The following NCS1 variants were observed in gnomAD, a reference collection of about 807,000 sequenced individuals.
NCS1 encodes frequenin homolog.
A neutral mutation model predicts 28.4 loss-of-function variants in NCS1; 6 were observed. The ratio of observed to expected loss-of-function variants is 0.21; its 90% confidence interval spans 0.12 to 0.42. NCS1 has a LOEUF of 0.42. NCS1 is among the 10% of genes least tolerant of loss of function. The pLI is 1.00. For missense variants in NCS1, 131 were observed against 241.4 expected, an observed-to-expected ratio of 0.54 and a Z score of 3.03; for synonymous variants, 86 against 99.3, an observed-to-expected ratio of 0.87 and a Z score of 0.79.
At chr9:130,182,604 C>T (rs573038521) in intron 1 of NCS1, among the ~76,000 whole-genome samples, 6 of 152,324 alleles carry the variant, frequency 3.9e-5, no homozygotes, top group South Asian at 4.1e-4. Context: ...GAGTGTGTGG[C>T]GCAGCTGTGC....
At chr9:130,176,173 TCTTTCTTTC>T (rs1564700743) in intron 1 of NCS1, among the ~76,000 whole-genome samples, 18 of 105,852 alleles carry the variant, frequency 1.7e-4, no homozygotes, top group Admixed American at 5.0e-4. Flanking sequence ...TTTCTTTCTT[TCTTTCTTTC>T]TTTCTTTCTT....
In NCS1 at chr9:130,192,863, C is replaced by G. The variant is rs1832834835; in HGVS notation, c.65-8095C>G. Among the ~76,000 whole-genome samples the G allele has an allele frequency of 6.6e-6, 1 of 152,198 alleles. No homozygotes were observed. Among genetic ancestry groups the G allele is most frequent in the African/African-American group, 2.4e-5 (1 of 41,440 alleles). On this transcript the variant is annotated intron_variant, in intron 1 of 7. Transcript: ENST00000372398. This position sits in a 1 kb window ranked among gnomAD's most constrained non-coding sequence, Gnocchi z 4.8. Reference sequence around the variant, plus strand: ...CAGTGGGAACCCCACAGGTGTTTCACTCTCTTTTCTGTCCTCCCCACCTCC... The same window carrying G: ...CAGTGGGAACCCCACAGGTGTTTCAGTCTCTTTTCTGTCCTCCCCACCTCC...
intron 7 of NCS1, among the ~76,000 whole-genome samples, chr9:130,230,583 C>G (rs1176452511): frequency 6.6e-6 from 1 of 152,078 alleles, no homozygotes; most frequent in Non-Finnish European, 1.5e-5. Flanking sequence ...GTGGCACATG[C>G]CTGTAGTCCC....
chr9:130,224,450 C>T (rs10988646), intron 6 of NCS1, among the ~76,000 whole-genome samples: 20,206 of 147,874 alleles, frequency 0.14, 2,324 homozygotes, highest in East Asian at 0.67. Context: ...CCCAGCTACT[C>T]GGGAGGCTGA....
At chr9:130,210,557 C>T (rs1407159406) in intron 2 of NCS1, among the ~76,000 whole-genome samples, 3 of 151,914 alleles carry the variant, frequency 2.0e-5, no homozygotes, top group East Asian at 3.9e-4. Flanking sequence ...TTGTGGAGGT[C>T]GTAGATCAGG....
At chr9:130,185,441 G>T (rs943928763) in intron 1 of NCS1, among the ~76,000 whole-genome samples, 22 of 152,182 alleles carry the variant, frequency 1.4e-4, no homozygotes, top group Admixed American at 3.9e-4. Flanking sequence ...TGGGGGAGGG[G>T]GGTTTTCCTC....
chr9:130,184,893 G>T (rs13288596), intron 1 of NCS1, among the ~76,000 whole-genome samples: 90,748 of 151,138 alleles, frequency 0.6, 29,318 homozygotes, highest in East Asian at 0.84. Context: ...GCCTCCCAAA[G>T]TGCTGGGATT....
rs369015273 is a variant in NCS1, at chr9:130,192,729, C to T, written c.65-8229C>T. 1.1e-3 allele frequency among the ~76,000 whole-genome samples: 168 copies of T among 152,170 alleles called. 1 individual carries two copies. In the South Asian group the frequency reaches 0.025, roughly 22 times the overall value. ...TCCAGGGAGGTTCTCCCCCAGGAGC[C>T]GGTGCTGCAGTGAGTGGGGGGAGTG... On this transcript the variant is annotated intron_variant, in intron 1 of 7. Coordinates refer to ENST00000372398, the MANE Select transcript of NCS1 (RefSeq NM_014286.4). This position sits in a 1 kb window ranked among gnomAD's most constrained non-coding sequence, Gnocchi z 4.8.
chr9:130,220,182 G>T (rs376867683), intron 4 of NCS1, among the ~76,000 whole-genome samples: 1 of 152,188 alleles, frequency 6.6e-6, no homozygotes, highest in African/African-American at 2.4e-5. Context: ...CAGGAGGGTC[G>T]GTGGGGACCC....
intron 2 of NCS1, among the ~76,000 whole-genome samples, chr9:130,212,976 A>G (rs1588120786): frequency 6.7e-6 from 1 of 150,324 alleles, no homozygotes; most frequent in African/African-American, 2.5e-5. Flanking sequence ...GAAGGTTCAG[A>G]CCCCCCCATC....
At chr9:130,216,580 G>T (rs1386791262) in intron 2 of NCS1, among the ~76,000 whole-genome samples, 1 of 152,106 alleles carries the variant, frequency 6.6e-6, no homozygotes, top group Non-Finnish European at 1.5e-5. Context: ...GCTGGGTGTG[G>T]TGGTACATGC....
chr9:130,202,042 T>C (rs2131136274), intron 2 of NCS1, among the ~76,000 whole-genome samples: 1 of 152,292 alleles, frequency 6.6e-6, no homozygotes, highest in Middle Eastern at 3.4e-3. Flanking sequence ...CTCCCTGCCT[T>C]CACACACGCC....
At position 130,219,784 on chromosome 9, in the gene NCS1, C is replaced by A. The variant is rs782140826; in HGVS notation, c.288C>A (p.Thr96=). ...IQALSVTSRG[T]LDEKLRWAFK... is the part of the protein sequence containing the mutation. ...CGCTGTCGGTGACCTCACGGGGAAC[C>A]CTGGATGAGAAGCTACGGTGTAAGT... Residue 96 remains threonine (T), a synonymous_variant, in exon 4 of 8, where the codon ACC becomes ACA. Coordinates refer to ENST00000372398, the MANE Select transcript of NCS1 (RefSeq NM_014286.4). This position sits in a 1 kb window ranked among gnomAD's most constrained non-coding sequence, Gnocchi z 5.7. The A allele has an allele frequency of 5.0e-6, 8 of 1,614,234 alleles. No homozygotes were observed. The highest frequency in any genetic ancestry group is 6.8e-6 in the Non-Finnish European group (8 of 1,180,042).
chr9:130,215,860 C>T lies in NCS1; in HGVS notation c.90-1972C>T, dbSNP rs1174337311. Among the ~76,000 whole-genome samples the T allele has an allele frequency of 2.6e-5, 4 of 152,102 alleles. No individual in the cohort carries two copies. Among genetic ancestry groups the T allele is most frequent in the South Asian group, 2.1e-4 (1 of 4,836 alleles). Reference sequence around the variant, plus strand: ...CTGCTTGCTGTGGGCACTGCTGGGACGGTCATGTGCCCGCTATGGTCTGAC... The same window carrying T: ...CTGCTTGCTGTGGGCACTGCTGGGATGGTCATGTGCCCGCTATGGTCTGAC... On this transcript the variant is annotated intron_variant, in intron 2 of 7. Transcript: ENST00000372398. The surrounding 1 kb of genome is among the most constrained non-coding windows in gnomAD (Gnocchi z 4.2).
intron 1 of NCS1, among the ~76,000 whole-genome samples, chr9:130,189,079 C>T (rs1832779781): frequency 6.6e-6 from 1 of 152,142 alleles, no homozygotes; most frequent in African/African-American, 2.4e-5. Flanking sequence ...CAGGGTGTGT[C>T]TCCCCTGTTG....
intron 7 of NCS1, among the ~76,000 whole-genome samples, chr9:130,231,654 G>T (rs1554912137): frequency 6.6e-6 from 1 of 152,046 alleles, no homozygotes; most frequent in Non-Finnish European, 1.5e-5. Context: ...AAAGGGTTGG[G>T]ATTACAGACA....
intron 5 of NCS1, 60 bp downstream of exon 5, chr9:130,222,798 A>T (rs1725885811): frequency 1.3e-6 from 2 of 1,515,570 alleles, no homozygotes; most frequent in Non-Finnish European, 9.2e-7. Context: ...AGTGACTGAG[A>T]GACAGAGAGA....
intron 1 of NCS1, among the ~76,000 whole-genome samples, chr9:130,196,098 C>T (rs889377662): frequency 2.0e-5 from 3 of 152,114 alleles, no homozygotes; most frequent in Non-Finnish European, 4.4e-5. Context: ...GAAGCTGAAC[C>T]CCCAAATTGT....
Position 130,172,733 on chromosome 9 carries a change from T to C in NCS1, c.64+6T>C. ...GCTGACCAGGAAGACCTACTGTGAG[T>C]GCTCCCAGCCCCCAGCCCGCGCCCC... On this transcript the variant is annotated splice_donor_region_variant and intron_variant, in intron 1 of 7. Coordinates refer to ENST00000372398, the MANE Select transcript of NCS1 (RefSeq NM_014286.4). The C allele has an allele frequency of 6.7e-7, 1 of 1,496,104 alleles. No individual in the cohort carries two copies. The highest frequency in any genetic ancestry group is 9.0e-7 in the Non-Finnish European group (1 of 1,115,944). 92.7% of individuals were successfully genotyped at this position (1,496,104 alleles called of 1,614,324 possible). A position where few individuals can be genotyped will look rare whatever the true frequency, so the allele number is the denominator to read the frequency against.
Sources: allele counts gnomAD v4.1 joint callset (sites outside exome capture counted in the v4.1 genomes callset), GRCh38; gene constraint gnomAD v4.1.1; non-coding constraint Gnocchi (gnomAD v3.1); transcripts MANE v1.5; gene names NCBI Gene and HGNC (gene_info 2026-07-23, HGNC 2026-07-21).